Variants in UBTD2 observed in about 807,000 individuals in gnomAD.
UBTD2 encodes ubiquitin domain containing 2.
In UBTD2, 9 loss-of-function variants were observed where a neutral mutation model predicts 19.8. That is an observed-to-expected ratio of 0.46 (90% CI 0.27 to 0.79). UBTD2 has a LOEUF of 0.79. Among genes scored for constraint, UBTD2 ranks in the 30% least tolerant of loss-of-function variants. The pLI, the probability that UBTD2 is intolerant of heterozygous loss-of-function variation, is 0.14. For missense variants in UBTD2, 250 were observed against 300.4 expected (o/e 0.83, Z 1.24); for synonymous variants, 98 against 103.9 (o/e 0.94, Z 0.35).
intron 2 of UBTD2, among the ~76,000 whole-genome samples, chr5:172,225,586 G>A (rs570773646): frequency 2.7e-4 from 41 of 152,246 alleles, no homozygotes; most frequent in African/African-American, 3.6e-4. Context: ...TTTTTACCAC[G>A]TGAGACTTGC....
chr5:172,280,329 G>A (rs1369084745), intron 1 of UBTD2, among the ~76,000 whole-genome samples: 2 of 151,944 alleles, frequency 1.3e-5, no homozygotes, highest in African/African-American at 4.8e-5. Context: ...CCAACCTGGT[G>A]AAACCCCGTC....
intron 2 of UBTD2, among the ~76,000 whole-genome samples, chr5:172,224,336 G>A (rs182478895): frequency 1.9e-3 from 253 of 130,664 alleles, no homozygotes; most frequent in African/African-American, 6.5e-3. Flanking sequence ...ATCTCACCCT[G>A]TCGCCCAGGC....
intron 1 of UBTD2, among the ~76,000 whole-genome samples, chr5:172,257,978 T>C (rs879018694): frequency 6.6e-6 from 1 of 152,208 alleles, no homozygotes; most frequent in African/African-American, 2.4e-5. Context: ...TTATTGATAG[T>C]TTCTTTTGCT....
At chr5:172,263,503 CTT>C (rs1430374267) in intron 1 of UBTD2, among the ~76,000 whole-genome samples, 1 of 152,056 alleles carries the variant, frequency 6.6e-6, no homozygotes. Context: ...TATTTAAAAA[CTT>C]GAGTAGGGGC....
At chr5:172,255,613 G>A (rs530223030) in intron 1 of UBTD2, among the ~76,000 whole-genome samples, 29 of 152,214 alleles carry the variant, frequency 1.9e-4, no homozygotes, top group African/African-American at 6.7e-4. Flanking sequence ...TGCAGCAGGC[G>A]CTCTCCCTGC....
chr5:172,248,654 C>A (rs1244761699), intron 1 of UBTD2, among the ~76,000 whole-genome samples: 1 of 150,938 alleles, frequency 6.6e-6, no homozygotes, highest in African/African-American at 2.4e-5. Flanking sequence ...CCCAGACACT[C>A]AGATGGCAGA....
At chr5:172,219,998 C>A (rs1771619798) in intron 2 of UBTD2, among the ~76,000 whole-genome samples, 1 of 151,278 alleles carries the variant, frequency 6.6e-6, no homozygotes, top group African/African-American at 2.4e-5. Context: ...TTCTATGAGG[C>A]CAACATTACC....
chr5:172,275,700 A>T (rs1755593648), intron 1 of UBTD2, among the ~76,000 whole-genome samples: 1 of 152,110 alleles, frequency 6.6e-6, no homozygotes. Context: ...AAAATCCACA[A>T]TCATAGCCCT....
chr5:172,225,044 T>C (rs182895476), intron 2 of UBTD2, among the ~76,000 whole-genome samples: 148 of 152,256 alleles, frequency 9.7e-4, no homozygotes, highest in Non-Finnish European at 1.9e-3. Context: ...TAGCCAGGAT[T>C]GCTCAGATTG....
chr5:172,237,836 G>C (rs79084455), intron 1 of UBTD2, among the ~76,000 whole-genome samples: 3,548 of 152,300 alleles, frequency 0.023, 114 homozygotes, highest in African/African-American at 0.081. Context: ...AATGAACTTA[G>C]AGGTACTATA....
At chr5:172,225,836 T>G (rs1429400649) in intron 2 of UBTD2, among the ~76,000 whole-genome samples, 1 of 151,880 alleles carries the variant, frequency 6.6e-6, no homozygotes, top group African/African-American at 2.4e-5. Flanking sequence ...GTTCTAGAAC[T>G]CCAAGGTTTT....
At chr5:172,277,770 C>T (rs1755635803) in intron 1 of UBTD2, among the ~76,000 whole-genome samples, 1 of 150,318 alleles carries the variant, frequency 6.7e-6, no homozygotes, top group African/African-American at 2.5e-5. Context: ...GAAAAGACAA[C>T]TCACAGAATG....
intron 1 of UBTD2, among the ~76,000 whole-genome samples, chr5:172,235,983 A>T (rs1337036375): frequency 6.6e-6 from 1 of 152,240 alleles, no homozygotes; most frequent in African/African-American, 2.4e-5. Flanking sequence ...TCACTCTCAA[A>T]CTGGTTCTAA....
At chr5:172,280,086 G>A (rs973489731) in intron 1 of UBTD2, among the ~76,000 whole-genome samples, 31 of 151,260 alleles carry the variant, frequency 2.0e-4, no homozygotes, top group African/African-American at 7.3e-4. Flanking sequence ...TGGGCAACAA[G>A]AGTGAAACGA....
chr5:172,234,043 A>G, intron 2 of UBTD2, 79 bp downstream of exon 2: 1 of 1,441,350 alleles, frequency 6.9e-7, no homozygotes, highest in Non-Finnish European at 9.7e-7. Context: ...GCAAGGAAAA[A>G]CACTCTCCCA....
At chr5:172,265,935 TTTTG>T (rs1353309154) in intron 1 of UBTD2, among the ~76,000 whole-genome samples, 4 of 151,358 alleles carry the variant, frequency 2.6e-5, no homozygotes, top group Non-Finnish European at 4.4e-5. Context: ...TTGTTTTTTT[TTTTG>T]TTTTTCTTTT....
Position 172,274,294 on chromosome 5 carries a change from C to T in UBTD2, c.70+9302G>A, listed in dbSNP as rs368453996. Among the ~76,000 whole-genome samples the T allele has an allele frequency of 9.2e-5, 14 of 152,066 alleles. No individual in the cohort carries two copies. The East Asian group carries it at 1.7e-3, about 19-fold the overall frequency. On this transcript the variant is annotated intron_variant, in intron 1 of 2. Coordinates refer to ENST00000393792, the MANE Select transcript of UBTD2 (RefSeq NM_152277.3). ...TAGCTAGGACTACAGGCACGTGCCA[C>T]CATGCCCAGCTAATTTTTGTATTTT...
chr5:172,283,505 G>T lies in UBTD2; in HGVS notation c.70+91C>A. The T allele has an allele frequency of 9.7e-7, 1 of 1,028,052 alleles. No homozygotes were observed. Among genetic ancestry groups the T allele is most frequent in the Non-Finnish European group, 1.2e-6 (1 of 800,182 alleles). 63.7% of individuals were successfully genotyped at this position (1,028,052 alleles called of 1,614,324 possible). On this transcript the variant is annotated intron_variant, in intron 1 of 2. Coordinates refer to ENST00000393792, the MANE Select transcript of UBTD2 (RefSeq NM_152277.3). The surrounding 1 kb of genome is among the most constrained non-coding windows in gnomAD (Gnocchi z 4.3). ...AAGAGGGGATGACAAAGGGGCGCGG[G>T]GGCCCGGCGCGGCCCGCGGGGGTCG...
chr5:172,272,270 T>C (rs1755505599), intron 1 of UBTD2, among the ~76,000 whole-genome samples: 1 of 152,238 alleles, frequency 6.6e-6, no homozygotes, highest in Non-Finnish European at 1.5e-5. Flanking sequence ...GACAAATACA[T>C]GCTGATTGTT....
Sources: allele counts gnomAD v4.1 joint callset (sites outside exome capture counted in the v4.1 genomes callset), GRCh38; gene constraint gnomAD v4.1.1; non-coding constraint Gnocchi (gnomAD v3.1); transcripts MANE v1.5; gene names NCBI Gene and HGNC (gene_info 2026-07-23, HGNC 2026-07-21).